Variants in RREB1 observed in about 807,000 individuals in gnomAD.
The protein encoded by RREB1 is ras responsive element binding protein 1, also known as ras-responsive element-binding protein 1.
In RREB1, 27 loss-of-function variants were observed where a neutral mutation model predicts 117.8. The observed-to-expected ratio is 0.23, with a 90% CI of 0.17 to 0.32. The LOEUF (loss-of-function observed/expected upper bound fraction) is 0.32. RREB1 is among the 10% of genes least tolerant of loss of function. The pLI is 1.00. For synonymous variants in RREB1, 1,298 were observed against 1,026.7 expected (o/e 1.26, Z -5.05); for missense variants, 2,577 against 2,378.2 (o/e 1.08, Z -1.74).
chr6:7,239,422 C>T (rs1285033863), intron 10 of RREB1, among the ~76,000 whole-genome samples: 2 of 152,218 alleles, frequency 1.3e-5, no homozygotes, highest in African/African-American at 2.4e-5. Flanking sequence ...TTTTCCTCTC[C>T]ACCTCCTTTT....
chr6:7,171,040 C>G (rs533694100), intron 1 of RREB1, among the ~76,000 whole-genome samples: 1 of 152,262 alleles, frequency 6.6e-6, no homozygotes, highest in African/African-American at 2.4e-5. Flanking sequence ...GGTGGAGGGT[C>G]TGTAGTAGTT....
At chr6:7,139,931 A>G (rs566930568) in intron 1 of RREB1, among the ~76,000 whole-genome samples, 11 of 152,150 alleles carry the variant, frequency 7.2e-5, no homozygotes, top group Non-Finnish European at 1.6e-4. Context: ...CATTCCTATC[A>G]GGTTTAGTAC....
chr6:7,136,366 T>A (rs1762350158), intron 1 of RREB1, among the ~76,000 whole-genome samples: 1 of 152,234 alleles, frequency 6.6e-6, no homozygotes, highest in Admixed American at 6.5e-5. Context: ...TTCTCCCCCC[T>A]TCAGTAGCTT....
intron 1 of RREB1, among the ~76,000 whole-genome samples, chr6:7,143,855 T>TTTC (rs1762742365): frequency 1.5e-5 from 2 of 137,586 alleles, no homozygotes; most frequent in African/African-American, 6.2e-5. Flanking sequence ...TTCTTTCTTT[T>TTTC]TTTTTTTTTT....
In RREB1 at chr6:7,249,091, GA is replaced by G; in HGVS notation, c.*124del. On this transcript the variant is annotated 3_prime_UTR_variant, in exon 13 of 13. Transcript: ENST00000379938. ...AGAGAGAGAGAGAGAGAGAGAGAGA[GA>G]GAGAGAGAGAGACAAGCAGGAGCGT... is the stretch of plus-strand genomic sequence containing the variant. 1 of 769,586 alleles carries G rather than the reference GA, an allele frequency of 1.3e-6. No individual in the cohort carries two copies. Among genetic ancestry groups the G allele is most frequent in the Non-Finnish European group, 2.0e-6 (1 of 504,824 alleles). 47.7% of individuals were successfully genotyped at this position (769,586 alleles called of 1,614,324 possible).
chr6:7,236,247 T>C (rs2113145577), intron 10 of RREB1, among the ~76,000 whole-genome samples: 1 of 152,296 alleles, frequency 6.6e-6, no homozygotes. Flanking sequence ...TTTGCTCCAG[T>C]TCCTTGTCCC....
intron 1 of RREB1, among the ~76,000 whole-genome samples, chr6:7,151,760 T>C (rs1274538513): frequency 1.3e-5 from 2 of 152,114 alleles, no homozygotes; most frequent in Admixed American, 1.3e-4. Flanking sequence ...AGAGATCATC[T>C]TGTTAAGTTC....
At chr6:7,184,631 T>C (rs1764984592) in intron 4 of RREB1, 1 of 152,062 alleles carries the variant, frequency 6.6e-6, no homozygotes, top group Non-Finnish European at 1.5e-5. Context: ...TGGACCTGTA[T>C]GATGGCCTGC....
At chr6:7,188,226 CGTGTGTGTGTGT>C (rs149501678) in intron 5 of RREB1, among the ~76,000 whole-genome samples, 19 of 149,302 alleles carry the variant, frequency 1.3e-4, no homozygotes, top group Non-Finnish European at 1.9e-4. Context: ...CCCCCCCACA[CGTGTGTGTGTGT>C]GTGTGTGTGT....
Position 7,182,048 on chromosome 6 carries a change from C to T in RREB1, c.137C>T (p.Pro46Leu), listed in dbSNP as rs1764837235. The T allele has an allele frequency of 1.9e-6, 3 of 1,614,080 alleles. No homozygotes were observed. The highest frequency in any genetic ancestry group is 2.5e-6 in the Non-Finnish European group (3 of 1,180,040). ...CAGGGGATCAAGTCCCCCTCGAAGC[C>T]TCCAGGACCAAATCGGATTGGCAGA... ...SPQGIKSPSKPPGPNRIGRRN... is the reference protein window; with the variant it reads ...SPQGIKSPSKLPGPNRIGRRN... Residue 46 changes from proline to leucine, a missense_variant, in exon 4 of 13, where the codon CCT (proline) becomes CTT (leucine). Physicochemically the swap from Pro to Leu is moderately conservative, Grantham distance 98. Transcript: ENST00000379938.
Position 7,180,622 on chromosome 6 carries a change from G to A in RREB1, c.-165-502G>A, listed in dbSNP as rs117592976. Among the ~76,000 whole-genome samples, 29 of 152,348 alleles carry A rather than the reference G, an allele frequency of 1.9e-4. No individual in the cohort carries two copies. The East Asian group carries it at 5.2e-3, about 27-fold the overall frequency. The stretch of plus-strand genomic sequence containing the variant: ...CAAGGAACGCACATGGCCTGAAAAA[G>A]TAAATTGTGACATGGCCATGGGCCA... On this transcript the variant is annotated intron_variant, in intron 2 of 12. Coordinates refer to ENST00000379938, the MANE Select transcript of RREB1 (RefSeq NM_001003699.4).
At chr6:7,108,971 G>A (rs1447134161) in intron 1 of RREB1, among the ~76,000 whole-genome samples, 8 of 151,460 alleles carry the variant, frequency 5.3e-5, no homozygotes, top group Admixed American at 5.2e-4. Flanking sequence ...TTCCGTTGGC[G>A]GGGTGAGTGT....
chr6:7,245,067 C>T (rs542389145), intron 11 of RREB1, among the ~76,000 whole-genome samples: 12 of 152,300 alleles, frequency 7.9e-5, no homozygotes, highest in African/African-American at 2.9e-4. Context: ...TTTCATCCAC[C>T]CAATTATCAG....
rs1265201229 is a variant in RREB1, at chr6:7,246,435, G to T, written c.3985G>T (p.Asp1329Tyr). ...TGCTTGCCCCACAGACAGTCAGTCG[G>T]ATGCGGAGACTGCAGCCGCCGCGGG... ...GSHDSTDSQS[D>Y]AETAAAAGEV... The change falls in exon 12 of 13, where the codon GAT (aspartate) becomes TAT (tyrosine). Residue 1329 changes from aspartate (D) to tyrosine (Y), a missense_variant. Coordinates refer to ENST00000379938, the MANE Select transcript of RREB1 (RefSeq NM_001003699.4). The T allele has an allele frequency of 8.7e-6, 13 of 1,491,744 alleles. No homozygotes were observed. The highest frequency in any genetic ancestry group is 1.2e-5 in the Non-Finnish European group (13 of 1,116,532). The allele number at this position is 1,491,744 out of a possible 1,614,324, so 92.4% of individuals were successfully genotyped here.
At chr6:7,208,157 C>A (rs533428719) in intron 6 of RREB1, among the ~76,000 whole-genome samples, 4 of 152,232 alleles carry the variant, frequency 2.6e-5, no homozygotes, top group African/African-American at 9.6e-5. Flanking sequence ...AAGACCCAAG[C>A]CTTCTAAGGA....
chr6:7,142,442 G>GC (rs1194684366), intron 1 of RREB1, among the ~76,000 whole-genome samples: 1 of 152,248 alleles, frequency 6.6e-6, no homozygotes, highest in East Asian at 1.9e-4. Flanking sequence ...CCAGGACGCA[G>GC]TTTCTCGATG....
At chr6:7,244,064 A>G (rs879339371) in intron 11 of RREB1, among the ~76,000 whole-genome samples, 2 of 152,078 alleles carry the variant, frequency 1.3e-5, no homozygotes, top group African/African-American at 2.4e-5. Flanking sequence ...GAGTTCTGAG[A>G]CCAGCCTGGC....
At chr6:7,120,693 A>G (rs9392859) in intron 1 of RREB1, among the ~76,000 whole-genome samples, 28,818 of 149,842 alleles carry the variant, frequency 0.19, 3,616 homozygotes, top group East Asian at 0.64. Context: ...TTTTTTTGAG[A>G]CAAGGCCTCG....
chr6:7,134,258 T>G (rs752074635), intron 1 of RREB1, among the ~76,000 whole-genome samples: 3 of 152,244 alleles, frequency 2.0e-5, no homozygotes, highest in Non-Finnish European at 4.4e-5. Flanking sequence ...ATCTGTCTTA[T>G]TACCCCAAAC....
Sources: gnomAD v4.1 joint callset for allele counts (sites outside exome capture counted in the v4.1 genomes callset) on GRCh38, gnomAD v4.1.1 for gene constraint, MANE v1.5 for transcripts, NCBI Gene and HGNC (gene_info 2026-07-23, HGNC 2026-07-21) for gene names.